Variants in STK32B observed in about 807,000 individuals in gnomAD.
STK32B encodes serine/threonine kinase 32B, also known as serine/threonine-protein kinase 32B.
A neutral mutation model predicts 52.6 loss-of-function variants in STK32B; 43 were observed. The ratio of observed to expected loss-of-function variants is 0.82; its 90% CI spans 0.64 to 1.05. STK32B has a LOEUF of 1.05. Ranked by LOEUF, STK32B falls within the 50% of genes least tolerant of loss-of-function variation. STK32B has a pLI of 0.00. For synonymous variants in STK32B, 238 were observed against 204.3 expected (o/e 1.17, Z -1.41); for missense variants, 621 against 534.6 (o/e 1.16, Z -1.59).
chr4:5,248,841 C>T (rs753304626), intron 3 of STK32B, among the ~76,000 whole-genome samples: 3 of 151,762 alleles, frequency 2.0e-5, no homozygotes, highest in Non-Finnish European at 4.4e-5. Flanking sequence ...AACCAAACAC[C>T]GCCTGTTCTC....
At chr4:5,230,761 A>G (rs1000309903) in intron 3 of STK32B, among the ~76,000 whole-genome samples, 2 of 152,200 alleles carry the variant, frequency 1.3e-5, no homozygotes, top group Admixed American at 1.3e-4. Flanking sequence ...GCTGGCATAG[A>G]GCACTCAGGA....
intron 3 of STK32B, among the ~76,000 whole-genome samples, chr4:5,256,796 A>T (rs1319059201): frequency 1.3e-5 from 2 of 152,184 alleles, no homozygotes; most frequent in Non-Finnish European, 2.9e-5. Flanking sequence ...TGCTCCATGG[A>T]ACCCTGAACT....
At chr4:5,336,135 A>T (rs28649918) in intron 4 of STK32B, among the ~76,000 whole-genome samples, 45,344 of 144,744 alleles carry the variant, frequency 0.31, 11,550 homozygotes, top group African/African-American at 0.7. Context: ...TCTGAACATA[A>T]TCATACTAGA....
intron 1 of STK32B, among the ~76,000 whole-genome samples, chr4:5,094,647 C>A (rs549940025): frequency 6.6e-6 from 1 of 152,072 alleles, no homozygotes; most frequent in Non-Finnish European, 1.5e-5. Flanking sequence ...AGAGAGAGAC[C>A]CTGTTGCTAT....
At chr4:5,034,336 G>A in the STK32B span, among the ~76,000 whole-genome samples, 1 of 152,240 alleles carries the variant, frequency 6.6e-6, no homozygotes, top group East Asian at 1.9e-4. Flanking sequence ...CTCATACGTG[G>A]GCGTCAAATG....
the STK32B span, among the ~76,000 whole-genome samples, chr4:5,044,830 G>C: frequency 6.6e-6 from 1 of 152,198 alleles, no homozygotes; most frequent in African/African-American, 2.4e-5. Context: ...AGGATCTCTT[G>C]ATCCTGGGAG....
chr4:5,199,029 A>G (rs77437113), intron 3 of STK32B, among the ~76,000 whole-genome samples: 2 of 152,148 alleles, frequency 1.3e-5, no homozygotes, highest in African/African-American at 4.8e-5. Context: ...ACTGAAGGTA[A>G]TGAGATTTCT....
intron 1 of STK32B, among the ~76,000 whole-genome samples, chr4:5,136,628 C>T (rs888570772): frequency 2.0e-5 from 3 of 152,202 alleles, no homozygotes; most frequent in Admixed American, 2.0e-4. Flanking sequence ...AAAGAAACCA[C>T]TCTTCAACCC....
intron 2 of STK32B, among the ~76,000 whole-genome samples, chr4:5,165,824 G>A (rs535648308): frequency 6.6e-5 from 10 of 152,152 alleles, no homozygotes; most frequent in Non-Finnish European, 1.3e-4. Context: ...ACCTCATGCC[G>A]TAAATTTTAC....
chr4:5,316,838 TTATATATAA>T (rs1730888959), intron 3 of STK32B, among the ~76,000 whole-genome samples: 5 of 1,946 alleles, frequency 2.6e-3, no homozygotes, highest in Non-Finnish European at 2.5e-3. Flanking sequence ...ATATTATATA[TTATATATAA>T]TATATTATAT....
chr4:5,418,242 A>G (rs1712321632), intron 6 of STK32B, among the ~76,000 whole-genome samples: 1 of 152,138 alleles, frequency 6.6e-6, no homozygotes, highest in Non-Finnish European at 1.5e-5. Context: ...TATTGCAATG[A>G]TGTTATTCTG....
chr4:5,176,687 G>A (rs1719930887), intron 3 of STK32B, among the ~76,000 whole-genome samples: 1 of 151,910 alleles, frequency 6.6e-6, no homozygotes. Context: ...CAGGTGATCT[G>A]CCCACCTCAG....
At chr4:5,218,932 C>T (rs1443022212) in intron 3 of STK32B, among the ~76,000 whole-genome samples, 1 of 152,152 alleles carries the variant, frequency 6.6e-6, no homozygotes, top group Admixed American at 6.5e-5. Context: ...TGGCACAGGC[C>T]CCACTGAGCT....
At chr4:5,438,714 C>G (rs1714381063) in intron 6 of STK32B, among the ~76,000 whole-genome samples, 1 of 152,226 alleles carries the variant, frequency 6.6e-6, no homozygotes, top group Non-Finnish European at 1.5e-5. Context: ...AACTCGTCAT[C>G]TAGCATTGGG....
At chr4:5,206,937 C>A (rs1013568983) in intron 3 of STK32B, among the ~76,000 whole-genome samples, 1 of 152,202 alleles carries the variant, frequency 6.6e-6, no homozygotes, top group African/African-American at 2.4e-5. Flanking sequence ...CCAGACTCAT[C>A]CTGTTCTTGA....
intron 2 of STK32B, among the ~76,000 whole-genome samples, chr4:5,141,283 A>G (rs1716433660): frequency 6.6e-6 from 1 of 152,196 alleles, no homozygotes; most frequent in Non-Finnish European, 1.5e-5. Flanking sequence ...CCTTGATAAT[A>G]GCATGACATG....
chr4:5,159,921 A>T (rs1169445994), intron 2 of STK32B, among the ~76,000 whole-genome samples: 1 of 151,874 alleles, frequency 6.6e-6, no homozygotes, highest in Non-Finnish European at 1.5e-5. Flanking sequence ...TGAGCTGCAG[A>T]TCAAGTCTGA....
chr4:5,232,709 A>T (rs939193891), intron 3 of STK32B, among the ~76,000 whole-genome samples: 2 of 152,134 alleles, frequency 1.3e-5, no homozygotes, highest in African/African-American at 4.8e-5. Context: ...AGATGAAGCC[A>T]TTTGCTGAGT....
intron 3 of STK32B, among the ~76,000 whole-genome samples, chr4:5,282,415 T>A (rs1728262125): frequency 6.6e-6 from 1 of 152,178 alleles, no homozygotes; most frequent in Non-Finnish European, 1.5e-5. Context: ...ATCATGAAGT[T>A]TAATTTCTAA....
Sources: allele counts gnomAD v4.1 joint callset (sites outside exome capture counted in the v4.1 genomes callset), GRCh38; gene constraint gnomAD v4.1.1; transcripts MANE v1.5; gene names NCBI Gene and HGNC (gene_info 2026-07-23, HGNC 2026-07-21).